The following LYPD6B variants were observed in gnomAD, a reference collection of about 807,000 sequenced individuals.
The protein encoded by LYPD6B is LY6/PLAUR domain containing 6B, also known as ly6/PLAUR domain-containing protein 6B.
LYPD6B carries 17 observed loss-of-function variants against 22.8 expected under a neutral mutation model. The observed-to-expected ratio is 0.75, with a 90% CI of 0.51 to 1.12. The LOEUF is 1.12. LYPD6B is among the 50% of genes most tolerant of loss of function. The probability of loss-of-function intolerance (pLI) is 0.00; values close to 1 mark genes in which losing one functional copy is unlikely to be tolerated. For missense variants in LYPD6B, 221 were observed against 258.3 expected, an observed-to-expected ratio of 0.86 and a Z score of 0.99; for synonymous variants, 106 against 91.6, an observed-to-expected ratio of 1.16 and a Z score of -0.90.
intron 1 of LYPD6B, among the ~76,000 whole-genome samples, chr2:149,075,885 C>T (rs1054592247): frequency 3.3e-5 from 5 of 152,146 alleles, no homozygotes; most frequent in East Asian, 3.9e-4. Flanking sequence ...TGCTTGTGTT[C>T]GGCAGTGTTG....
chr2:149,178,127 A>G lies in LYPD6B; in HGVS notation c.77+17292A>G, dbSNP rs565115319. Among the ~76,000 whole-genome samples the G allele has an allele frequency of 5.4e-4, 82 of 152,232 alleles. 1 individual carries two copies. The highest frequency in any genetic ancestry group is 7.0e-4 in the African/African-American group (29 of 41,540). The stretch of plus-strand genomic sequence containing the variant: ...TCTCAGAAAAATATCCTTGACTCCA[A>G]TTAAATCTAAAATACACTAAGTCTT... On this transcript the variant is annotated intron_variant, in intron 3 of 6. Transcript: ENST00000409642.
intron 1 of LYPD6B, among the ~76,000 whole-genome samples, chr2:149,040,735 T>A (rs890186909): frequency 2.6e-5 from 4 of 152,220 alleles, no homozygotes; most frequent in African/African-American, 9.6e-5. Flanking sequence ...TCTCTGTCTT[T>A]GCTCACCAGC....
chr2:149,203,112 C>T (rs777261787), intron 3 of LYPD6B, among the ~76,000 whole-genome samples: 3 of 152,118 alleles, frequency 2.0e-5, no homozygotes. Flanking sequence ...GCTTAGCTTC[C>T]CTATGCACTG....
chr2:149,063,621 A>AAC (rs758535710), intron 1 of LYPD6B, among the ~76,000 whole-genome samples: 1 of 152,230 alleles, frequency 6.6e-6, no homozygotes, highest in Non-Finnish European at 1.5e-5. Flanking sequence ...ACATGTAGCT[A>AAC]AAGTTTTCAA....
At chr2:149,127,250 G>T (rs61657992) in intron 1 of LYPD6B, among the ~76,000 whole-genome samples, 43,861 of 151,872 alleles carry the variant, frequency 0.29, 6,546 homozygotes, top group African/African-American at 0.36. Flanking sequence ...CATTTACATT[G>T]TTTTGTTTTC....
At chr2:149,168,412 A>G (rs993449641) in intron 3 of LYPD6B, among the ~76,000 whole-genome samples, 14 of 152,212 alleles carry the variant, frequency 9.2e-5, no homozygotes, top group Non-Finnish European at 8.8e-5. Flanking sequence ...GCTTGTTATC[A>G]ACAATCCAAC....
chr2:149,055,032 A>G (rs913086661), intron 1 of LYPD6B, among the ~76,000 whole-genome samples: 7 of 152,124 alleles, frequency 4.6e-5, no homozygotes, highest in African/African-American at 1.2e-4. Context: ...CAGCTCTTCC[A>G]TGTAGATATT....
At chr2:149,143,936 C>T (rs1344156293) in intron 2 of LYPD6B, 2 of 152,176 alleles carry the variant, frequency 1.3e-5, no homozygotes, top group Non-Finnish European at 2.9e-5. Flanking sequence ...AGTGGACAGC[C>T]ACGGCACTCA....
At chr2:149,127,034 T>G (rs886240643) in intron 1 of LYPD6B, among the ~76,000 whole-genome samples, 1 of 152,030 alleles carries the variant, frequency 6.6e-6, no homozygotes, top group African/African-American at 2.4e-5. Context: ...TTAATGATTT[T>G]ATACTGTTGT....
At chr2:149,048,472 G>A (rs1417109472) in intron 1 of LYPD6B, among the ~76,000 whole-genome samples, 1 of 152,134 alleles carries the variant, frequency 6.6e-6, no homozygotes, top group African/African-American at 2.4e-5. Flanking sequence ...GCCCCAGAGT[G>A]GTCTGTCTCC....
chr2:149,123,592 T>C (rs1227713853), intron 1 of LYPD6B, among the ~76,000 whole-genome samples: 1 of 152,070 alleles, frequency 6.6e-6, no homozygotes, highest in Non-Finnish European at 1.5e-5. Context: ...AATTTAAAAA[T>C]GCTGTACACG....
chr2:149,095,448 G>GT (rs1018565246), intron 1 of LYPD6B, among the ~76,000 whole-genome samples: 9 of 152,144 alleles, frequency 5.9e-5, no homozygotes, highest in Non-Finnish European at 1.3e-4. Flanking sequence ...GAGTGTAGCT[G>GT]TTTTTTTCCC....
chr2:149,171,646 T>C (rs927257565), intron 3 of LYPD6B, among the ~76,000 whole-genome samples: 12 of 152,042 alleles, frequency 7.9e-5, no homozygotes, highest in Non-Finnish European at 1.5e-4. Flanking sequence ...AAAGGCCACA[T>C]CTTTACAATA....
At chr2:149,117,894 G>C (rs912826181) in intron 1 of LYPD6B, among the ~76,000 whole-genome samples, 2 of 152,160 alleles carry the variant, frequency 1.3e-5, no homozygotes, top group African/African-American at 4.8e-5. Flanking sequence ...GGCAGTTCTG[G>C]ATTAGGGTCT....
intron 1 of LYPD6B, among the ~76,000 whole-genome samples, chr2:149,122,910 G>T (rs1265996798): frequency 2.0e-5 from 3 of 152,178 alleles, no homozygotes; most frequent in African/African-American, 4.8e-5. Context: ...ACTGTGACAT[G>T]GTTTCCGTGT....
At chr2:149,164,837 G>C (rs1322616740) in intron 3 of LYPD6B, among the ~76,000 whole-genome samples, 2 of 152,160 alleles carry the variant, frequency 1.3e-5, no homozygotes, top group Non-Finnish European at 2.9e-5. Context: ...GTGTGTGTTT[G>C]AAATACTATT....
At chr2:149,149,544 T>C (rs1689236751) in intron 2 of LYPD6B, among the ~76,000 whole-genome samples, 1 of 152,182 alleles carries the variant, frequency 6.6e-6, no homozygotes, top group Non-Finnish European at 1.5e-5. Flanking sequence ...CAAATCCCTG[T>C]AAAAGATACA....
At chr2:149,044,138 A>G (rs940307213) in intron 1 of LYPD6B, among the ~76,000 whole-genome samples, 1 of 152,036 alleles carries the variant, frequency 6.6e-6, no homozygotes, top group South Asian at 2.1e-4. Flanking sequence ...TGAATTCTAG[A>G]ATTAGTTTGT....
intron 1 of LYPD6B, among the ~76,000 whole-genome samples, chr2:149,083,936 A>G (rs1685258267): frequency 7.0e-6 from 1 of 143,298 alleles, no homozygotes; most frequent in Admixed American, 7.1e-5. Flanking sequence ...AAAAAACAAC[A>G]AAGAACAAAA....
Sources: gnomAD v4.1 joint callset for allele counts (sites outside exome capture counted in the v4.1 genomes callset) on GRCh38, gnomAD v4.1.1 for gene constraint, MANE v1.5 for transcripts, NCBI Gene and HGNC (gene_info 2026-07-23, HGNC 2026-07-21) for gene names.